The following MCUB variants were observed in gnomAD, a reference collection of about 807,000 sequenced individuals.
MCUB encodes the protein calcium uniporter regulatory subunit MCUb, mitochondrial.
Under a neutral mutation model 41.4 loss-of-function variants are expected in MCUB, and 46 were observed. The ratio of observed to expected loss-of-function variants is 1.11; its 90% CI spans 0.88 to 1.42. The LOEUF is 1.42. MCUB is among the 40% of genes most tolerant of loss of function. MCUB has a pLI of 0.00. For synonymous variants in MCUB, 148 were observed against 148.2 expected (o/e 1.00, Z 0.01); for missense variants, 403 against 404.9 (o/e 1.00, Z 0.04).
chr4:109,567,338 G>C (rs561382805), intron 1 of MCUB, among the ~76,000 whole-genome samples: 1 of 152,122 alleles, frequency 6.6e-6, no homozygotes, highest in Admixed American at 6.5e-5. Context: ...TATTTGATAA[G>C]TCCTTCTTGT....
At chr4:109,619,262 T>C (rs529336125) in intron 1 of MCUB, among the ~76,000 whole-genome samples, 6 of 152,092 alleles carry the variant, frequency 3.9e-5, no homozygotes, top group Admixed American at 1.3e-4. Context: ...GTATTTTTAG[T>C]AGAGACATGG....
At chr4:109,605,865 G>T (rs938110002) in intron 1 of MCUB, among the ~76,000 whole-genome samples, 7 of 152,066 alleles carry the variant, frequency 4.6e-5, no homozygotes, top group African/African-American at 1.7e-4. Context: ...GGTTCCATTA[G>T]CATGGAATAT....
intron 1 of MCUB, among the ~76,000 whole-genome samples, chr4:109,568,606 C>T (rs1029910043): frequency 5.9e-5 from 9 of 152,138 alleles, no homozygotes; most frequent in Non-Finnish European, 1.2e-4. Flanking sequence ...CCCCACAGAC[C>T]CCTCTTCAGT....
At chr4:109,649,843 G>A (rs768695046) in intron 1 of MCUB, among the ~76,000 whole-genome samples, 2 of 151,932 alleles carry the variant, frequency 1.3e-5, no homozygotes, top group African/African-American at 4.8e-5. Context: ...CAAAGTGTTC[G>A]GATTACACGC....
At chr4:109,627,013 G>A (rs1466036554) in intron 1 of MCUB, among the ~76,000 whole-genome samples, 1 of 152,070 alleles carries the variant, frequency 6.6e-6, no homozygotes, top group Non-Finnish European at 1.5e-5. Flanking sequence ...ATAGAACAAA[G>A]AAGGACAAAA....
chr4:109,681,472 A>G (rs1011828964), intron 4 of MCUB: 8 of 453,820 alleles, frequency 1.8e-5, no homozygotes, highest in African/African-American at 1.4e-4. Flanking sequence ...AGAACTCCCA[A>G]GATGGTCGTG....
intron 1 of MCUB, among the ~76,000 whole-genome samples, chr4:109,625,511 C>G (rs1728342314): frequency 6.6e-6 from 1 of 152,214 alleles, no homozygotes; most frequent in Non-Finnish European, 1.5e-5. Context: ...CCCCTGTAGG[C>G]TAGTGTAAGC....
intron 4 of MCUB, among the ~76,000 whole-genome samples, chr4:109,676,019 C>A (rs1729570835): frequency 6.6e-6 from 1 of 152,060 alleles, no homozygotes; most frequent in Non-Finnish European, 1.5e-5. Context: ...AAAATTGGTA[C>A]CAGAAGTGGG....
chr4:109,663,286 A>T (rs1729266454), intron 3 of MCUB, among the ~76,000 whole-genome samples: 1 of 152,204 alleles, frequency 6.6e-6, no homozygotes, highest in Non-Finnish European at 1.5e-5. Context: ...ACCCAGCACC[A>T]ATTTTTTGCT....
chr4:109,592,322 A>G (rs1426482053), intron 1 of MCUB, among the ~76,000 whole-genome samples: 1 of 151,954 alleles, frequency 6.6e-6, no homozygotes, highest in African/African-American at 2.4e-5. Flanking sequence ...AGGCAGGAGA[A>G]TTGCTTGAAC....
At chr4:109,657,836 A>T (rs1437441230) in intron 1 of MCUB, among the ~76,000 whole-genome samples, 1 of 152,268 alleles carries the variant, frequency 6.6e-6, no homozygotes, top group African/African-American at 2.4e-5. Context: ...TTGTAGACTC[A>T]GCACTGCTGT....
chr4:109,661,192 C>T (rs1293375338), intron 3 of MCUB, among the ~76,000 whole-genome samples: 2 of 152,138 alleles, frequency 1.3e-5, no homozygotes, highest in African/African-American at 4.8e-5. Context: ...ATACAGCTTT[C>T]ATGTTCTCAT....
At chr4:109,621,267 A>G (rs1364942739) in intron 1 of MCUB, among the ~76,000 whole-genome samples, 1 of 152,086 alleles carries the variant, frequency 6.6e-6, no homozygotes, top group Non-Finnish European at 1.5e-5. Context: ...GTTGTTTTTC[A>G]ATGGCTACTA....
At chr4:109,603,830 C>G (rs1226802385) in intron 1 of MCUB, among the ~76,000 whole-genome samples, 2 of 152,124 alleles carry the variant, frequency 1.3e-5, no homozygotes, top group East Asian at 3.9e-4. Flanking sequence ...TGCCCGGCCA[C>G]CACGTTTGGG....
intron 1 of MCUB, among the ~76,000 whole-genome samples, chr4:109,574,290 G>A (rs539315713): frequency 2.6e-5 from 4 of 152,326 alleles, no homozygotes; most frequent in Non-Finnish European, 4.4e-5. Context: ...TTACTCCCAA[G>A]ATAGAGCAGA....
At chr4:109,603,650 T>G (rs1302361708) in intron 1 of MCUB, among the ~76,000 whole-genome samples, 1 of 150,488 alleles carries the variant, frequency 6.6e-6, no homozygotes, top group Non-Finnish European at 1.5e-5. Context: ...GTCTGGGAAC[T>G]GAGGAGCGCC....
chr4:109,569,095 GGAGTGCA>G (rs1196847516), intron 1 of MCUB, among the ~76,000 whole-genome samples: 1 of 152,082 alleles, frequency 6.6e-6, no homozygotes, highest in Non-Finnish European at 1.5e-5. Context: ...CACCCAGGCT[GGAGTGCA>G]GTGACACGAT....
At chr4:109,581,330 T>C (rs1184356172) in intron 1 of MCUB, among the ~76,000 whole-genome samples, 1 of 152,216 alleles carries the variant, frequency 6.6e-6, no homozygotes, top group Non-Finnish European at 1.5e-5. Context: ...GCTAGCCATA[T>C]GTAGAAAGCT....
chr4:109,655,844 C>A (rs185039654), intron 1 of MCUB, among the ~76,000 whole-genome samples: 21 of 152,202 alleles, frequency 1.4e-4, no homozygotes, highest in African/African-American at 3.1e-4. Flanking sequence ...CAGTTTACCT[C>A]TGGAGCTTAT....
Sources: gnomAD v4.1 joint callset for allele counts (sites outside exome capture counted in the v4.1 genomes callset) on GRCh38, gnomAD v4.1.1 for gene constraint, MANE v1.5 for transcripts, NCBI Gene and HGNC (gene_info 2026-07-23, HGNC 2026-07-21) for gene names.